Variants in ZCCHC7 observed in about 807,000 individuals in gnomAD.
ZCCHC7 encodes zinc finger CCHC domain-containing protein 7.
In ZCCHC7, 35 loss-of-function variants were observed where a neutral mutation model predicts 52.0. The observed-to-expected ratio is 0.67, with a 90% CI of 0.51 to 0.89. The LOEUF (loss-of-function observed/expected upper bound fraction) is 0.89. Ranked by LOEUF, ZCCHC7 falls within the 40% of genes least tolerant of loss-of-function variation. The pLI is 0.00. For synonymous variants in ZCCHC7, 217 were observed against 221.5 expected (o/e 0.98, Z 0.18); for missense variants, 574 against 649.1 (o/e 0.88, Z 1.26).
At chr9:37,352,831 G>A (rs1009865971) in intron 7 of ZCCHC7, among the ~76,000 whole-genome samples, 1 of 151,614 alleles carries the variant, frequency 6.6e-6, no homozygotes, top group Non-Finnish European at 1.5e-5. Flanking sequence ...TGCCAAAAGC[G>A]TTTCTTTATG....
At chr9:37,316,120 C>T (rs1451879295) in intron 5 of ZCCHC7, among the ~76,000 whole-genome samples, 1 of 151,718 alleles carries the variant, frequency 6.6e-6, no homozygotes, top group African/African-American at 2.4e-5. Context: ...AGTGCAGTGG[C>T]GCAATCTTGG....
chr9:37,319,941 T>C (rs1042185269), intron 5 of ZCCHC7, among the ~76,000 whole-genome samples: 3 of 152,256 alleles, frequency 2.0e-5, no homozygotes, highest in African/African-American at 7.2e-5. Context: ...CAATTGGCCA[T>C]ATTTACATGG....
intron 5 of ZCCHC7, among the ~76,000 whole-genome samples, chr9:37,306,690 C>G (rs190578282): frequency 6.9e-6 from 1 of 144,236 alleles, no homozygotes; most frequent in Non-Finnish European, 1.5e-5. Flanking sequence ...GTCTCGATCT[C>G]CTGACCTCAT....
At chr9:37,235,709 C>A (rs1036866450) in intron 2 of ZCCHC7, among the ~76,000 whole-genome samples, 3 of 151,752 alleles carry the variant, frequency 2.0e-5, no homozygotes, top group Non-Finnish European at 4.4e-5. Flanking sequence ...CCTGCCTCAG[C>A]CTCCCGAGCA....
At chr9:37,305,100 T>C (rs78662188) in intron 4 of ZCCHC7, among the ~76,000 whole-genome samples, 7,729 of 152,298 alleles carry the variant, frequency 0.051, 639 homozygotes, top group African/African-American at 0.17. Context: ...AATTAGCTCT[T>C]AACAAACATT....
intron 2 of ZCCHC7, among the ~76,000 whole-genome samples, chr9:37,235,008 A>G (rs1015485252): frequency 1.3e-5 from 2 of 152,240 alleles, no homozygotes; most frequent in Non-Finnish European, 2.9e-5. Flanking sequence ...ATGTTTCAAT[A>G]CATGTATACA....
At chr9:37,211,357 G>T (rs1824204504) in intron 2 of ZCCHC7, among the ~76,000 whole-genome samples, 1 of 152,042 alleles carries the variant, frequency 6.6e-6, no homozygotes, top group Non-Finnish European at 1.5e-5. Context: ...TTTTTGGTTT[G>T]TTTGTTTTGG....
At position 37,327,832 on chromosome 9, in the gene ZCCHC7, A is replaced by T; in HGVS notation, c.985A>T (p.Thr329Ser). ...CTEIWRQYHL[T>S]TKPGPPKKPK... Reference sequence around the variant, plus strand: ...AGAAATCTGGAGGCAGTATCACCTAACGGTGAGTAGAAACACCTTTTTTAT... The same window carrying T: ...AGAAATCTGGAGGCAGTATCACCTATCGGTGAGTAGAAACACCTTTTTTAT... The change falls in exon 6 of 9, where the codon ACG (threonine) becomes TCG (serine). Residue 329 changes from threonine to serine, a missense_variant and splice_region_variant. Transcript: ENST00000336755. The T allele has an allele frequency of 6.2e-7, 1 of 1,613,022 alleles. No individual in the cohort carries two copies. Among genetic ancestry groups the T allele is most frequent in the Non-Finnish European group, 8.5e-7 (1 of 1,179,230 alleles).
intron 2 of ZCCHC7, among the ~76,000 whole-genome samples, chr9:37,250,208 A>G (rs1826261512): frequency 6.6e-6 from 1 of 151,932 alleles, no homozygotes; most frequent in Non-Finnish European, 1.5e-5. Flanking sequence ...CTCTCCTGGG[A>G]TGATCACCTT....
intron 2 of ZCCHC7, among the ~76,000 whole-genome samples, chr9:37,193,132 A>T (rs1220560022): frequency 6.6e-6 from 1 of 152,206 alleles, no homozygotes; most frequent in Non-Finnish European, 1.5e-5. Flanking sequence ...ACTTGATTTC[A>T]ATGAAAGTGA....
At chr9:37,239,181 G>A (rs1825777523) in intron 2 of ZCCHC7, among the ~76,000 whole-genome samples, 1 of 152,040 alleles carries the variant, frequency 6.6e-6, no homozygotes, top group South Asian at 2.1e-4. Context: ...ATTGTGTGTT[G>A]CAGAAAGTAT....
chr9:37,259,917 T>G (rs1287033374), intron 2 of ZCCHC7, among the ~76,000 whole-genome samples: 2 of 152,186 alleles, frequency 1.3e-5, no homozygotes, highest in Non-Finnish European at 2.9e-5. Context: ...AACAGTTGGT[T>G]CTCATACAAA....
At chr9:37,296,098 C>T (rs551053729) in intron 2 of ZCCHC7, among the ~76,000 whole-genome samples, 28 of 152,096 alleles carry the variant, frequency 1.8e-4, no homozygotes, top group Non-Finnish European at 2.8e-4. Flanking sequence ...TTTGCACCAG[C>T]CTAAATACAT....
intron 5 of ZCCHC7, among the ~76,000 whole-genome samples, chr9:37,317,843 A>C (rs1451551680): frequency 3.6e-4 from 47 of 131,452 alleles, no homozygotes; most frequent in South Asian, 5.1e-4. Flanking sequence ...ACTCCCCCCG[A>C]CCCCCCCCAA....
intron 2 of ZCCHC7, among the ~76,000 whole-genome samples, chr9:37,157,770 T>C (rs1292745695): frequency 6.6e-6 from 1 of 152,216 alleles, no homozygotes; most frequent in Non-Finnish European, 1.5e-5. Flanking sequence ...AGAATGGCTA[T>C]TATCAAAAAG....
intron 2 of ZCCHC7, among the ~76,000 whole-genome samples, chr9:37,221,257 A>G (rs1447838955): frequency 1.3e-5 from 2 of 152,214 alleles, no homozygotes; most frequent in Non-Finnish European, 2.9e-5. Context: ...GGGAGGAAAC[A>G]TGGGATAAGA....
chr9:37,318,684 G>A (rs895897049), intron 5 of ZCCHC7, among the ~76,000 whole-genome samples: 1 of 151,700 alleles, frequency 6.6e-6, no homozygotes, highest in African/African-American at 2.4e-5. Context: ...AGGCCGAGGC[G>A]GGCAGATCAC....
intron 2 of ZCCHC7, 143 bp from the exon 3 acceptor site, chr9:37,302,045 C>A: frequency 3.0e-6 from 2 of 666,850 alleles, no homozygotes; most frequent in Admixed American, 2.8e-5. Context: ...AATAACAGAG[C>A]CAAAATAGGA....
chr9:37,326,154 A>T (rs1258080041), intron 5 of ZCCHC7: 1 of 152,176 alleles, frequency 6.6e-6, no homozygotes, highest in East Asian at 1.9e-4. Context: ...AAAGCTTATG[A>T]TAGAAGGTAG....
Sources: allele counts gnomAD v4.1 joint callset (sites outside exome capture counted in the v4.1 genomes callset), GRCh38; gene constraint gnomAD v4.1.1; transcripts MANE v1.5; gene names NCBI Gene and HGNC (gene_info 2026-07-23, HGNC 2026-07-21).